Variants in PSG9 observed in about 807,000 individuals in gnomAD.
PSG9 encodes pregnancy-specific beta-1-glycoprotein 9.
A neutral mutation model predicts 41.9 loss-of-function variants in PSG9; 49 were observed. The observed-to-expected ratio is 1.17, with a 90% CI of 0.93 to 1.48. The LOEUF (loss-of-function observed/expected upper bound fraction) is 1.48, where lower values mean the gene tolerates loss of function less well. Ranked by LOEUF, PSG9 falls within the 40% of genes most tolerant of loss-of-function variation. PSG9 has a pLI of 0.00. For synonymous variants in PSG9, 263 were observed against 196.8 expected, an observed-to-expected ratio of 1.34 and a Z score of -2.82; for missense variants, 641 against 520.3, an observed-to-expected ratio of 1.23 and a Z score of -2.26.
At chr19:43,265,898 G>T (rs1356785976) in intron 2 of PSG9, among the ~76,000 whole-genome samples, 1 of 152,156 alleles carries the variant, frequency 6.6e-6, no homozygotes, top group Non-Finnish European at 1.5e-5. Flanking sequence ...AAGCCAGGCA[G>T]GAGTGGCAAC....
At chr19:43,259,428 T>G in intron 3 of PSG9, 1 of 463,998 alleles carries the variant, frequency 2.2e-6, no homozygotes. Context: ...CCCCTCCCAG[T>G]CCCTCCCTAA....
chr19:43,263,726 G>A (rs368869845), intron 2 of PSG9, among the ~76,000 whole-genome samples: 141 of 152,168 alleles, frequency 9.3e-4, no homozygotes, highest in East Asian at 4.1e-3. Context: ...TAGGTGTGCC[G>A]TGAATTCCAG....
At chr19:43,263,726 G>T (rs368869845) in intron 2 of PSG9, among the ~76,000 whole-genome samples, 14 of 152,050 alleles carry the variant, frequency 9.2e-5, no homozygotes, top group African/African-American at 3.1e-4. Flanking sequence ...TAGGTGTGCC[G>T]TGAATTCCAG....
intron 2 of PSG9, among the ~76,000 whole-genome samples, chr19:43,265,160 C>T (rs565383594): frequency 1.3e-5 from 2 of 152,212 alleles, no homozygotes; most frequent in East Asian, 1.9e-4. Context: ...AATAGTTCCT[C>T]CATAAAACTA....
chr19:43,260,710 T>A (rs1208010613), intron 3 of PSG9: 1 of 151,916 alleles, frequency 6.6e-6, no homozygotes, highest in African/African-American at 2.4e-5. Context: ...CAGGTCAGAT[T>A]TAGGACAGAG....
intron 2 of PSG9, 34 bp downstream of exon 2, chr19:43,267,750 C>A: frequency 6.2e-7 from 1 of 1,612,410 alleles, no homozygotes; most frequent in Non-Finnish European, 8.5e-7. Context: ...GACCCCTTCC[C>A]CCCAACACCC....
At chr19:43,261,785 G>T in intron 3 of PSG9, 75 bp downstream of exon 3, 4 of 1,613,778 alleles carry the variant, frequency 2.5e-6, no homozygotes, top group Non-Finnish European at 3.4e-6. Context: ...ACCTGAGAGG[G>T]ACTGAGAGGC....
chr19:43,267,549 C>T (rs1969029599), intron 2 of PSG9, among the ~76,000 whole-genome samples: 1 of 152,146 alleles, frequency 6.6e-6, no homozygotes, highest in Non-Finnish European at 1.5e-5. Flanking sequence ...TGAGTCCCCC[C>T]ATCAGACTGT....
chr19:43,266,977 A>C (rs1331090686), intron 2 of PSG9, among the ~76,000 whole-genome samples: 2 of 152,172 alleles, frequency 1.3e-5, no homozygotes, highest in African/African-American at 2.4e-5. Flanking sequence ...AATGCTTGGC[A>C]CAGTGGAGGT....
chr19:43,256,601 C>G (rs1352709666), intron 5 of PSG9, among the ~76,000 whole-genome samples: 2 of 146,562 alleles, frequency 1.4e-5, no homozygotes, highest in Non-Finnish European at 3.0e-5. Context: ...CTCAGCATCA[C>G]GAATACCTGG....
intron 2 of PSG9, among the ~76,000 whole-genome samples, chr19:43,263,644 C>T (rs1011584905): frequency 5.3e-5 from 8 of 151,572 alleles, no homozygotes; most frequent in Middle Eastern, 3.4e-3. Flanking sequence ...TAAGTGGAAA[C>T]TTTTACTGAT....
chr19:43,263,607 T>C (rs867179128), intron 2 of PSG9, among the ~76,000 whole-genome samples: 2 of 149,838 alleles, frequency 1.3e-5, no homozygotes, highest in African/African-American at 5.0e-5. Flanking sequence ...AAAAAAAAAA[T>C]TTGGAGGAAA....
chr19:43,258,771 G>T lies in PSG9; in HGVS notation c.988+86C>A. 6 of 1,539,670 alleles carry T rather than the reference G, an allele frequency of 3.9e-6. 1 individual carries two copies. Among genetic ancestry groups the T allele is most frequent in the Non-Finnish European group, 5.2e-6 (6 of 1,144,882 alleles). On this transcript the variant is annotated intron_variant, in intron 4 of 5. Coordinates refer to ENST00000270077, the MANE Select transcript of PSG9 (RefSeq NM_002784.5). ...CTAGAAGTAAAGGTGTCTATACTTG[G>T]ACCGGAGAGAGACTGAGAGGCCTGG...
At chr19:43,254,700 A>G (rs10402458) in intron 5 of PSG9, among the ~76,000 whole-genome samples, 62,085 of 144,350 alleles carry the variant, frequency 0.43, 17,861 homozygotes, top group East Asian at 0.88. Flanking sequence ...AATGAAACCA[A>G]AAGTTGATTC....
Position 43,262,049 on chromosome 19 carries a change from G to A in PSG9, c.520C>T (p.Leu174=). ...AVRLICDPET[L]DASYLWWMNG... ...ATCCACCATAGGTAGCTTGCGTCCAGAGTCTCAGGATCACAGATTAAGCGC... is the reference window on the plus strand; with the variant it reads ...ATCCACCATAGGTAGCTTGCGTCCAAAGTCTCAGGATCACAGATTAAGCGC... Residue 174 remains leucine, a synonymous_variant, in exon 3 of 6, where the codon CTG becomes TTG. Transcript: ENST00000270077. 2 of 1,613,948 alleles carry A rather than the reference G, an allele frequency of 1.2e-6. No homozygotes were observed. Among genetic ancestry groups the A allele is most frequent in the Non-Finnish European group, 1.7e-6 (2 of 1,179,900 alleles).
chr19:43,263,607 T>A lies in PSG9; in HGVS notation c.431-1469A>T, dbSNP rs867179128. 3.9e-3 allele frequency among the ~76,000 whole-genome samples: 592 copies of A among 149,942 alleles called. 3 individuals carry two copies. The highest frequency in any genetic ancestry group is 0.012 in the African/African-American group (500 of 40,340). ...CTCTAGTAACAAAAAAAAAAAAAAATTTGGAGGAAACATTAAAATGTTTTC... is the reference window on the plus strand; with the variant it reads ...CTCTAGTAACAAAAAAAAAAAAAAAATTGGAGGAAACATTAAAATGTTTTC... On this transcript the variant is annotated intron_variant, in intron 2 of 5. Coordinates refer to ENST00000270077, the MANE Select transcript of PSG9 (RefSeq NM_002784.5).
chr19:43,265,228 A>G (rs1968911864), intron 2 of PSG9, among the ~76,000 whole-genome samples: 1 of 152,160 alleles, frequency 6.6e-6, no homozygotes, highest in African/African-American at 2.4e-5. Context: ...CCATGAGATT[A>G]AGATTATAGG....
At chr19:43,267,249 G>C (rs1321030022) in intron 2 of PSG9, among the ~76,000 whole-genome samples, 1 of 152,104 alleles carries the variant, frequency 6.6e-6, no homozygotes, top group Non-Finnish European at 1.5e-5. Flanking sequence ...GCTGAGCCCT[G>C]GCTGGTGAAC....
chr19:43,267,796 A>G lies in PSG9; in HGVS notation c.418T>C (p.Phe140Leu), dbSNP rs1969042174. The change falls in exon 2 of 6, where the codon TTC becomes CTC. Residue 140 changes from phenylalanine to leucine, a missense_variant. Transcript: ENST00000270077. ...ETREEIRHFTFTLYLETPKPY... is the reference protein window; with the variant it reads ...ETREEIRHFTLTLYLETPKPY... ...TGGAATCACTCACAGTATAAGGTGA[A>G]GGTGAAATGTCGAATTTCTTCTCTA... is the stretch of plus-strand genomic sequence containing the variant. The G allele has an allele frequency of 6.2e-7, 1 of 1,612,906 alleles. No homozygotes were observed. The highest frequency in any genetic ancestry group is 8.5e-7 in the Non-Finnish European group (1 of 1,179,366).
Sources: gnomAD v4.1 joint callset for allele counts (sites outside exome capture counted in the v4.1 genomes callset) on GRCh38, gnomAD v4.1.1 for gene constraint, MANE v1.5 for transcripts, NCBI Gene and HGNC (gene_info 2026-07-23, HGNC 2026-07-21) for gene names.